Variants in MYORG observed in about 807,000 individuals in gnomAD.
The protein encoded by MYORG is alpha-galactosidase MYORG.
In MYORG, 45 loss-of-function variants were observed where a neutral mutation model predicts 49.8. The ratio of observed to expected loss-of-function variants is 0.90; its 90% CI spans 0.71 to 1.16. The LOEUF (loss-of-function observed/expected upper bound fraction) is 1.16, where lower values mean the gene tolerates loss of function less well. MYORG is among the 50% of genes most tolerant of loss of function. MYORG has a pLI of 0.00. For missense variants in MYORG, 1,110 were observed against 1,026.5 expected (o/e 1.08, Z -1.11); for synonymous variants, 552 against 462.9 (o/e 1.19, Z -2.47).
At chr9:34,375,003 C>T (rs1335284070) in intron 1 of MYORG, among the ~76,000 whole-genome samples, 1 of 152,044 alleles carries the variant, frequency 6.6e-6, no homozygotes, top group African/African-American at 2.4e-5. Flanking sequence ...GTTCCTGTCC[C>T]AGGCTTCAGA....
rs754588988 is a variant in MYORG at position 34,371,845 on chromosome 9, C to T, written c.1099G>A (p.Glu367Lys). The T allele has an allele frequency of 3.7e-6, 6 of 1,614,086 alleles. No individual in the cohort carries two copies. Among genetic ancestry groups the T allele is most frequent in the Non-Finnish European group, 3.4e-6 (4 of 1,179,902 alleles). ...TCGCTGGCGTTGGGGAATTTGACCT[C>T]ATCGAAGTCGAAGTCGCCATAAGCA... Reference protein sequence around the residue: ...TPAYGDFDFDEVKFPNASDMF... With the variant: ...TPAYGDFDFDKVKFPNASDMF... Residue 367 changes from glutamate (E) to lysine (K), a missense_variant, in exon 2 of 2, where the codon GAG (glutamate) becomes AAG (lysine). Transcript: ENST00000297625.
chr9:34,371,977 G>A lies in MYORG; in HGVS notation c.967C>T (p.Leu323=). The A allele has an allele frequency of 6.2e-7, 1 of 1,614,046 alleles. No homozygotes were observed. Among genetic ancestry groups the A allele is most frequent in the Non-Finnish European group, 8.5e-7 (1 of 1,179,900 alleles). The change falls in exon 2 of 2, where the codon CTG becomes TTG. Residue 323 remains leucine (L), a synonymous_variant. Transcript: ENST00000297625. ...TCCTGGTCCACGGCGCGCCCGTACA[G>A]CGCCCATGTGGACCAAATGGGGTCT... ...FRDPIWSTWA[L]YGRAVDQDKV... is the part of the protein sequence containing the mutation.
chr9:34,372,397 C>T lies in MYORG; in HGVS notation c.547G>A (p.Ala183Thr). The change falls in exon 2 of 2, where the codon GCC becomes ACC. Residue 183 changes from alanine to threonine, a missense_variant. By Grantham distance (58) the Ala-to-Thr change is moderately conservative. Coordinates refer to ENST00000297625, the MANE Select transcript of MYORG (RefSeq NM_020702.5). Reference sequence around the variant, plus strand: ...ATCTCGGCGCCACCATACCAGTGGGCCGCCGCGTCGCCCAAGAACATGGCG... The same window carrying T: ...ATCTCGGCGCCACCATACCAGTGGGTCGCCGCGTCGCCCAAGAACATGGCG... ...EHAMFLGDAA[A>T]HWYGGAEMRT... The T allele has an allele frequency of 6.3e-7, 1 of 1,584,338 alleles. No individual in the cohort carries two copies. The highest frequency in any genetic ancestry group is 8.6e-7 in the Non-Finnish European group (1 of 1,166,550).
chr9:34,371,415 T>C lies in MYORG; in HGVS notation c.1529A>G (p.Gln510Arg), dbSNP rs1444976948. 7 of 1,613,160 alleles carry C rather than the reference T, an allele frequency of 4.3e-6. No homozygotes were observed. The highest frequency in any genetic ancestry group is 1.3e-5 in the African/African-American group (1 of 74,936). The change falls in exon 2 of 2, where the codon CAG (glutamine) becomes CGG (arginine). Residue 510 changes from glutamine (Q) to arginine (R), a missense_variant. Transcript: ENST00000297625. ...CAGGCGGAAGAAGCAGGAGATGTTC[T>C]GTGACTGGTAGCCTACGCGCACCTC... ...LAEVRVGYQSQNISCFFRLVD... is the reference protein window; with the variant it reads ...LAEVRVGYQSRNISCFFRLVD...
rs375419312 is a variant in MYORG, at chr9:34,370,925, G to A, written c.2019C>T (p.Arg673=). ...ACTTGCCGGCGGGCAAATAGACGTC[G>A]CGCTCCTGCTTGCCTGGCTCCAGCA... The part of the protein sequence containing the change: ...APVLEPGKQE[R]DVYLPAGKWR... Residue 673 remains arginine, a synonymous_variant, in exon 2 of 2, where the codon CGC becomes CGT. Transcript: ENST00000297625. 8 of 1,613,284 alleles carry A rather than the reference G, an allele frequency of 5.0e-6. No individual in the cohort carries two copies. The highest frequency in any genetic ancestry group is 1.7e-6 in the Non-Finnish European group (2 of 1,179,720).
At position 34,368,328 on chromosome 9, in the gene MYORG, T is replaced by C. The variant is rs1820530997; in HGVS notation, c.*2471A>G. ...TTAACATTTGGCTCCTTGTTACTTA[T>C]GCAAATTTCTGCAGGGGGCTTGAAT... On this transcript the variant is annotated 3_prime_UTR_variant, in exon 2 of 2. Transcript: ENST00000297625. 1 of 152,278 alleles carries C rather than the reference T, an allele frequency of 6.6e-6. No individual in the cohort carries two copies. The allele number at this position is 152,278 out of a possible 1,614,324, so 9.4% of individuals were successfully genotyped here. A position where few individuals can be genotyped will look rare whatever the true frequency, so the allele number is the denominator to read the frequency against.
chr9:34,372,164 C>T lies in MYORG; in HGVS notation c.780G>A (p.Ala260=), dbSNP rs764377354. Residue 260 remains alanine, a synonymous_variant, in exon 2 of 2, where the codon GCG becomes GCA. Transcript: ENST00000297625. Reference sequence around the variant, plus strand: ...GCTTGTAGGGCGTGTCGTGGTAGCGCGCCTGAAGCCGCAGCGAGCGCTCCG... The same window carrying T: ...GCTTGTAGGGCGTGTCGTGGTAGCGTGCCTGAAGCCGCAGCGAGCGCTCCG... ...NSTERSLRLQ[A]RYHDTPYKPP... The T allele has an allele frequency of 1.9e-6, 3 of 1,610,816 alleles. No homozygotes were observed. Among genetic ancestry groups the T allele is most frequent in the Non-Finnish European group, 2.5e-6 (3 of 1,179,278 alleles).
rs1444898837 is a variant in MYORG at position 34,372,121 on chromosome 9, C to T, written c.823G>A (p.Ala275Thr). ...ACTCGGTAGCTCAGCTCTGGCGCTGCGGCGCGGCCGGCGGGTGGCTTGTAG... is the reference window on the plus strand; with the variant it reads ...ACTCGGTAGCTCAGCTCTGGCGCTGTGGCGCGGCCGGCGGGTGGCTTGTAG... ...TPYKPPAGRA[A>T]APELSYRVCV... Residue 275 changes from alanine to threonine, a missense_variant, in exon 2 of 2, where the codon GCA (alanine) becomes ACA (threonine). Coordinates refer to ENST00000297625, the MANE Select transcript of MYORG (RefSeq NM_020702.5). The T allele has an allele frequency of 1.9e-6, 3 of 1,612,358 alleles. No homozygotes were observed. The South Asian group carries it at 3.3e-5, about 18-fold the overall frequency.
chr9:34,370,624 G>A lies in MYORG; in HGVS notation c.*175C>T. On this transcript the variant is annotated 3_prime_UTR_variant, in exon 2 of 2. Coordinates refer to ENST00000297625, the MANE Select transcript of MYORG (RefSeq NM_020702.5). ...CGTTGGAGCAGGAGATTGCTTCAGTGCCCCCTCCCTAGGCCCCACCTTCAG... is the reference window on the plus strand; with the variant it reads ...CGTTGGAGCAGGAGATTGCTTCAGTACCCCCTCCCTAGGCCCCACCTTCAG... 20 of 1,188,004 alleles carry A rather than the reference G, an allele frequency of 1.7e-5. No individual in the cohort carries two copies. Among genetic ancestry groups the A allele is most frequent in the Non-Finnish European group, 2.2e-5 (19 of 871,806 alleles). The allele number at this position is 1,188,004 out of a possible 1,614,324, so 73.6% of individuals were successfully genotyped here. A position where few individuals can be genotyped will look rare whatever the true frequency, so the allele number is the denominator to read the frequency against.
intron 1 of MYORG, among the ~76,000 whole-genome samples, chr9:34,374,441 G>C (rs185175459): frequency 7.9e-5 from 12 of 152,026 alleles, no homozygotes; most frequent in East Asian, 1.9e-4. Flanking sequence ...TACCAAGCTC[G>C]TTCCTTCCCC....
Position 34,369,069 on chromosome 9 carries a change from G to A in MYORG, c.*1730C>T, listed in dbSNP as rs981789656. 5 of 152,164 alleles carry A rather than the reference G, an allele frequency of 3.3e-5. No homozygotes were observed. The highest frequency in any genetic ancestry group is 1.2e-4 in the African/African-American group (5 of 41,426). 9.4% of individuals were successfully genotyped at this position (152,164 alleles called of 1,614,324 possible). On this transcript the variant is annotated 3_prime_UTR_variant, in exon 2 of 2. Transcript: ENST00000297625. Reference sequence around the variant, plus strand: ...CTTATAAAATCATCAGCTCTCATGAGATCTATTCACTATCACCAGAACAGT... The same window carrying A: ...CTTATAAAATCATCAGCTCTCATGAAATCTATTCACTATCACCAGAACAGT...
rs2131884876 is a variant in MYORG, at chr9:34,376,275, T to C, written c.-64+518A>G. Reference sequence around the variant, plus strand: ...GGGAGGAAGTCTGTGGTTCCGGTGTTAACAGTGGTGCCAGAGACCTCTGTA... The same window carrying C: ...GGGAGGAAGTCTGTGGTTCCGGTGTCAACAGTGGTGCCAGAGACCTCTGTA... On this transcript the variant is annotated intron_variant, in intron 1 of 1. Coordinates refer to ENST00000297625, the MANE Select transcript of MYORG (RefSeq NM_020702.5). The surrounding 1 kb of genome is among the most constrained non-coding windows in gnomAD (Gnocchi z 4.4). Among the ~76,000 whole-genome samples the C allele has an allele frequency of 6.6e-6, 1 of 152,282 alleles. No homozygotes were observed. Among genetic ancestry groups the C allele is most frequent in the African/African-American group, 2.4e-5 (1 of 41,562 alleles).
At position 34,371,122 on chromosome 9, in the gene MYORG, C is replaced by CGAACTTCTG; in HGVS notation, c.1813_1821dup (p.Gln605_Phe607dup). 6.2e-7 allele frequency: 1 copy of CGAACTTCTG among 1,607,266 alleles called. No individual in the cohort carries two copies. The highest frequency in any genetic ancestry group is 8.5e-7 in the Non-Finnish European group (1 of 1,175,560). On this transcript the variant is annotated inframe_insertion, in exon 2 of 2. Transcript: ENST00000297625. ...GCCACAAGCGAGGCCCGCAGGGCGG[C>CGAACTTCTG]GAACTTCTGCGCGATGGCCACCACT...
In MYORG at chr9:34,371,236, C is replaced by T. The variant is rs1486513173; in HGVS notation, c.1708G>A (p.Glu570Lys). 6.2e-7 allele frequency: 1 copy of T among 1,608,812 alleles called. No homozygotes were observed. Among genetic ancestry groups the T allele is most frequent in the South Asian group, 1.1e-5 (1 of 90,436 alleles). Reference sequence around the variant, plus strand: ...AGCCAGCGAATGTAGAGCTCGCGCTCGGGCACATCGCCGCCGGCTGTCCGC... The same window carrying T: ...AGCCAGCGAATGTAGAGCTCGCGCTTGGGCACATCGCCGCCGGCTGTCCGC... ...PQRTAGGDVP[E>K]RELYIRWLEV... The change falls in exon 2 of 2, where the codon GAG becomes AAG. Residue 570 changes from glutamate to lysine, a missense_variant. Glu to Lys is a moderately conservative substitution (Grantham distance 56, BLOSUM62 1). Coordinates refer to ENST00000297625, the MANE Select transcript of MYORG (RefSeq NM_020702.5).
intron 1 of MYORG, among the ~76,000 whole-genome samples, chr9:34,375,901 A>C (rs80080803): frequency 0.15 from 22,264 of 152,262 alleles, 1,995 homozygotes; most frequent in South Asian, 0.31. Flanking sequence ...AACAGCAGAC[A>C]TAGCTGCAGT....
In MYORG at chr9:34,372,217, C is replaced by G; in HGVS notation, c.727G>C (p.Val243Leu). 6.2e-7 allele frequency: 1 copy of G among 1,612,008 alleles called. No homozygotes were observed. Among genetic ancestry groups the G allele is most frequent in the Non-Finnish European group, 8.5e-7 (1 of 1,179,346 alleles). ...RAAAIKVNDS[V>L]PFHLGWNSTE... Reference sequence around the variant, plus strand: ...CTGTTCCAGCCCAGGTGGAAGGGCACTGAGTCATTGACTTTGATGGCGGCC... The same window carrying G: ...CTGTTCCAGCCCAGGTGGAAGGGCAGTGAGTCATTGACTTTGATGGCGGCC... The change falls in exon 2 of 2, where the codon GTG becomes CTG. Residue 243 changes from valine (V) to leucine (L), a missense_variant. Transcript: ENST00000297625.
intron 1 of MYORG, among the ~76,000 whole-genome samples, chr9:34,374,265 G>C (rs1820685778): frequency 6.6e-6 from 1 of 152,186 alleles, no homozygotes; most frequent in African/African-American, 2.4e-5. Context: ...CAACCATAGT[G>C]ATCTTTCTAA....
intron 1 of MYORG, among the ~76,000 whole-genome samples, chr9:34,374,471 ACCTGCTT>A (rs1820688800): frequency 6.6e-6 from 1 of 152,016 alleles, no homozygotes; most frequent in Non-Finnish European, 1.5e-5. Context: ...CCTTTAGGCC[ACCTGCTT>A]CAGGAGATTT....
At position 34,376,434 on chromosome 9, in the gene MYORG, G is replaced by A. The variant is rs1169068027; in HGVS notation, c.-64+359C>T. ...AGGGCCCCGCCCGACTCAACTGAGG[G>A]GAGGCCATTCCAAGTAGAATCGTTA... On this transcript the variant is annotated intron_variant, in intron 1 of 1. Transcript: ENST00000297625. The surrounding 1 kb of genome is among the most constrained non-coding windows in gnomAD (Gnocchi z 4.4). Among the ~76,000 whole-genome samples the A allele has an allele frequency of 1.3e-5, 2 of 152,188 alleles. No homozygotes were observed. Among genetic ancestry groups the A allele is most frequent in the African/African-American group, 4.8e-5 (2 of 41,446 alleles).
Sources: gnomAD v4.1 joint callset for allele counts (sites outside exome capture counted in the v4.1 genomes callset) on GRCh38, gnomAD v4.1.1 for gene constraint, Gnocchi (gnomAD v3.1) non-coding constraint, MANE v1.5 for transcripts, NCBI Gene and HGNC (gene_info 2026-07-23, HGNC 2026-07-21) for gene names.